The following PLAGL1 variants were observed in gnomAD, a reference collection of about 807,000 sequenced individuals.
PLAGL1 encodes zinc finger protein PLAGL1.
PLAGL1 carries 1 observed loss-of-function variant against 4.6 expected under a neutral mutation model. The observed-to-expected ratio is 0.22, with a 90% CI of 0.08 to 1.03. The LOEUF is 1.03. Ranked by LOEUF, PLAGL1 falls within the 50% of genes least tolerant of loss-of-function variation. The probability of loss-of-function intolerance (pLI) is 0.58; values close to 1 mark genes in which losing one functional copy is unlikely to be tolerated. For synonymous variants in PLAGL1, 240 were observed against 237.8 expected (o/e 1.01, Z -0.08); for missense variants, 464 against 570.4 (o/e 0.81, Z 1.90).
chr6:144,053,462 A>G lies in PLAGL1; in HGVS notation c.-151+11006T>C, dbSNP rs1798726741. Among the ~76,000 whole-genome samples, 1 of 152,230 alleles carries G rather than the reference A, an allele frequency of 6.6e-6. No individual in the cohort carries two copies. The highest frequency in any genetic ancestry group is 6.5e-5 in the Admixed American group (1 of 15,284). ...TTAGTCATTAATTCTTGAGTAGTTC[A>G]TTCAAGTATAACATCTTGCTACCAC... On this transcript the variant is annotated intron_variant, in intron 1 of 3. Transcript: ENST00000437412. The surrounding 1 kb of genome is among the most constrained non-coding windows in gnomAD (Gnocchi z 4.0).
chr6:143,943,868 C>G (rs950030637), intron 7 of PLAGL1, among the ~76,000 whole-genome samples: 1 of 152,162 alleles, frequency 6.6e-6, no homozygotes, highest in African/African-American at 2.4e-5. Flanking sequence ...TTTCATAGTT[C>G]CACTGAATTG....
At position 143,940,331 on chromosome 6, in the gene PLAGL1, G is replaced by T. The variant is rs1295739837; in HGVS notation, c.*1093C>A. ...GATTTGAAAAGTTTATTATATGTAA[G>T]ATATATGTTTACGGAAAAGCCTCTA... is the stretch of plus-strand genomic sequence containing the variant. On this transcript the variant is annotated 3_prime_UTR_variant, in exon 8 of 8. Coordinates refer to ENST00000674357, the MANE Select transcript of PLAGL1 (RefSeq NM_001317162.2). The T allele has an allele frequency of 3.3e-5, 5 of 152,138 alleles. No homozygotes were observed. Among genetic ancestry groups the T allele is most frequent in the Admixed American group, 3.3e-4 (5 of 15,270 alleles). The allele number at this position is 152,138 out of a possible 1,614,324, so 9.4% of individuals were successfully genotyped here. A position where few individuals can be genotyped will look rare whatever the true frequency, so the allele number is the denominator to read the frequency against.
Position 144,016,284 on chromosome 6 carries a change from G to C in PLAGL1, c.-150-47306C>G, listed in dbSNP as rs922519123. 6.6e-6 allele frequency among the ~76,000 whole-genome samples: 1 copy of C among 152,156 alleles called. No homozygotes were observed. Among genetic ancestry groups the C allele is most frequent in the African/African-American group, 2.4e-5 (1 of 41,426 alleles). ...AGAGGGCAGGAAGCATCCAGCATGG[G>C]AGAAAGATGTAGGCTGGGAGGCTAG... On this transcript the variant is annotated intron_variant, in intron 1 of 3. Coordinates refer to the PLAGL1 transcript ENST00000437412. The surrounding 1 kb of genome is among the most constrained non-coding windows in gnomAD (Gnocchi z 4.2).
In PLAGL1 at chr6:143,948,797, A is replaced by AACG. The variant is rs764967288; in HGVS notation, c.-324-338_-324-337insCGT. On this transcript the variant is annotated intron_variant, in intron 6 of 7. Transcript: ENST00000674357. This position sits in a 1 kb window ranked among gnomAD's most constrained non-coding sequence, Gnocchi z 6.0. ...ACAACAACAACAACAACAACAAACA[A>AACG]AAACCTCCCTCCCTCAGTGTGTTCA... 1.6e-4 allele frequency among the ~76,000 whole-genome samples: 18 copies of AACG among 113,814 alleles called. No individual in the cohort carries two copies. Among genetic ancestry groups the AACG allele is most frequent in the Non-Finnish European group, 2.8e-4 (16 of 57,296 alleles). The allele number at this position is 113,814 out of a possible 152,430, so 74.7% of individuals were successfully genotyped here.
chr6:143,987,633 G>A (rs1301629173), intron 1 of PLAGL1, among the ~76,000 whole-genome samples: 1 of 151,960 alleles, frequency 6.6e-6, no homozygotes, highest in Admixed American at 6.6e-5. Flanking sequence ...TACGATGCCT[G>A]TTTGCCCTTC....
At chr6:144,017,763 C>T (rs1795662923) in intron 1 of PLAGL1, among the ~76,000 whole-genome samples, 1 of 152,228 alleles carries the variant, frequency 6.6e-6, no homozygotes, top group South Asian at 2.1e-4. Context: ...TAGACTTCAA[C>T]AACCAGGATC....
At chr6:144,002,883 C>CTTTT (rs34276412) in intron 1 of PLAGL1, among the ~76,000 whole-genome samples, 3 of 144,036 alleles carry the variant, frequency 2.1e-5, no homozygotes, top group Non-Finnish European at 4.5e-5. Context: ...TTCTGGTAGG[C>CTTTT]TTTTTTTTTT....
At position 144,027,295 on chromosome 6, in the gene PLAGL1, G is replaced by C. The variant is rs1796447930; in HGVS notation, c.-151+37173C>G. On this transcript the variant is annotated intron_variant, in intron 1 of 3. Coordinates refer to the PLAGL1 transcript ENST00000437412. This position sits in a 1 kb window ranked among gnomAD's most constrained non-coding sequence, Gnocchi z 5.8. ...AGAAAGAAAGAAAGAAAGAAAGAAAGTTATTTGATCTGAAGTACAATGTCT... is the reference window on the plus strand; with the variant it reads ...AGAAAGAAAGAAAGAAAGAAAGAAACTTATTTGATCTGAAGTACAATGTCT... Among the ~76,000 whole-genome samples the C allele has an allele frequency of 6.8e-6, 1 of 148,076 alleles. No homozygotes were observed.
Position 143,964,461 on chromosome 6 carries a change from T to C in PLAGL1, c.-399+326A>G, listed in dbSNP as rs1159688993. On this transcript the variant is annotated intron_variant, in intron 5 of 7. Transcript: ENST00000674357. This position sits in a 1 kb window ranked among gnomAD's most constrained non-coding sequence, Gnocchi z 4.3. ...TGGGGACTGGAGTCCGTTTTCATTA[T>C]GGGGAATGAAAACAGTAATGCTTCT... Among the ~76,000 whole-genome samples, 3 of 152,148 alleles carry C rather than the reference T, an allele frequency of 2.0e-5. No individual in the cohort carries two copies. The highest frequency in any genetic ancestry group is 7.2e-5 in the African/African-American group (3 of 41,428).
Position 143,997,979 on chromosome 6 carries a change from ATAAT to A in PLAGL1, c.-584+10107_-584+10110del, listed in dbSNP as rs1251645681. Among the ~76,000 whole-genome samples, 1 of 152,210 alleles carries A rather than the reference ATAAT, an allele frequency of 6.6e-6. No homozygotes were observed. The highest frequency in any genetic ancestry group is 1.9e-4 in the East Asian group (1 of 5,202). Reference sequence around the variant, plus strand: ...GCAGAGAAAAAGTACTTTATGAAAGATAATTAGACTCTTTTTACCTTATCCATTG... The same window carrying A: ...GCAGAGAAAAAGTACTTTATGAAAGATAGACTCTTTTTACCTTATCCATTG... On this transcript the variant is annotated intron_variant, in intron 1 of 7. Coordinates refer to ENST00000674357, the MANE Select transcript of PLAGL1 (RefSeq NM_001317162.2). The surrounding 1 kb of genome is among the most constrained non-coding windows in gnomAD (Gnocchi z 4.6).
At chr6:144,031,831 A>G (rs578201915) in intron 1 of PLAGL1, among the ~76,000 whole-genome samples, 9 of 152,200 alleles carry the variant, frequency 5.9e-5, no homozygotes, top group Non-Finnish European at 1.0e-4. Context: ...TTGGCTATGC[A>G]GGCTCTTTTT....
chr6:143,970,409 A>T lies in PLAGL1; in HGVS notation c.-543-1431T>A, dbSNP rs1785200958. Among the ~76,000 whole-genome samples, 1 of 152,232 alleles carries T rather than the reference A, an allele frequency of 6.6e-6. No homozygotes were observed. Among genetic ancestry groups the T allele is most frequent in the Admixed American group, 6.5e-5 (1 of 15,276 alleles). ...ACATACAAATGATTAACTACAAATGATTAGGTATCTAATTATTACAGATGA... is the reference window on the plus strand; with the variant it reads ...ACATACAAATGATTAACTACAAATGTTTAGGTATCTAATTATTACAGATGA... On this transcript the variant is annotated intron_variant, in intron 2 of 7. Transcript: ENST00000674357. This position sits in a 1 kb window ranked among gnomAD's most constrained non-coding sequence, Gnocchi z 5.8.
Position 143,990,909 on chromosome 6 carries a change from C to T in PLAGL1, c.-583-5735G>A, listed in dbSNP as rs1459241184. On this transcript the variant is annotated intron_variant, in intron 1 of 7. Coordinates refer to ENST00000674357, the MANE Select transcript of PLAGL1 (RefSeq NM_001317162.2). The surrounding 1 kb of genome is among the most constrained non-coding windows in gnomAD (Gnocchi z 5.4). Reference sequence around the variant, plus strand: ...ACCTTGCTTTGCCTATGAATGTTTTCTGTGTTGACCACTTGGTGTCAATTA... The same window carrying T: ...ACCTTGCTTTGCCTATGAATGTTTTTTGTGTTGACCACTTGGTGTCAATTA... Among the ~76,000 whole-genome samples, 4 of 151,508 alleles carry T rather than the reference C, an allele frequency of 2.6e-5. No homozygotes were observed. Among genetic ancestry groups the T allele is most frequent in the Non-Finnish European group, 5.9e-5 (4 of 68,028 alleles).
Position 143,985,198 on chromosome 6 carries a change from T to C in PLAGL1, c.-583-24A>G, listed in dbSNP as rs1412216969. 2 of 152,204 alleles carry C rather than the reference T, an allele frequency of 1.3e-5. No homozygotes were observed. The highest frequency in any genetic ancestry group is 4.8e-5 in the African/African-American group (2 of 41,456). The allele number at this position is 152,204 out of a possible 1,614,324, so 9.4% of individuals were successfully genotyped here. A position where few individuals can be genotyped will look rare whatever the true frequency, so the allele number is the denominator to read the frequency against. On this transcript the variant is annotated intron_variant, in intron 1 of 7. Transcript: ENST00000674357. This position sits in a 1 kb window ranked among gnomAD's most constrained non-coding sequence, Gnocchi z 4.4. ...ATCTGCAAACAAAAATAAAAATTAC[T>C]AGTTTTGTATAATATTTGCACATGC...
rs1788434771 is a variant in PLAGL1 at position 143,983,680 on chromosome 6, G to T, written c.-544+1455C>A. ...GATGAGTGATTTTAATGAGAGGGTA[G>T]GCTATTGACGTTGAGTAAGGGAGGA... On this transcript the variant is annotated intron_variant, in intron 2 of 7. Transcript: ENST00000674357. This position sits in a 1 kb window ranked among gnomAD's most constrained non-coding sequence, Gnocchi z 6.6. Among the ~76,000 whole-genome samples, 1 of 152,026 alleles carries T rather than the reference G, an allele frequency of 6.6e-6. No homozygotes were observed. Among genetic ancestry groups the T allele is most frequent in the African/African-American group, 2.4e-5 (1 of 41,398 alleles).
chr6:144,040,849 C>T (rs1797672698), intron 1 of PLAGL1, among the ~76,000 whole-genome samples: 3 of 152,152 alleles, frequency 2.0e-5, no homozygotes, highest in Admixed American at 2.0e-4. Flanking sequence ...TGCACTCCAG[C>T]TCAGGTGACA....
rs775540928 is a variant in PLAGL1, at chr6:143,941,547, T to TTGC, written c.1266_1268dup (p.Gln423dup). The TTGC allele has an allele frequency of 4.2e-5, 66 of 1,568,392 alleles. No homozygotes were observed. The highest frequency in any genetic ancestry group is 5.4e-5 in the Non-Finnish European group (63 of 1,156,746). ...CAGTGCCCATGGCAAGTGGGGGTTC[T>TTGC]TGCTGCTGCTGCCCCAGACAGCTTA... On this transcript the variant is annotated inframe_insertion, in exon 8 of 8. Transcript: ENST00000674357. This position sits in a 1 kb window ranked among gnomAD's most constrained non-coding sequence, Gnocchi z 6.0.
rs879175338 is a variant in PLAGL1 at position 144,061,435 on chromosome 6, C to T, written c.-151+3033G>A. On this transcript the variant is annotated intron_variant, in intron 1 of 3. Coordinates refer to the PLAGL1 transcript ENST00000437412. This position sits in a 1 kb window ranked among gnomAD's most constrained non-coding sequence, Gnocchi z 4.4. Reference sequence around the variant, plus strand: ...GCCACTCCTGAATGTGGCCTTTTCACAGCCAGGTGCCTCTGAAACATCGTA... The same window carrying T: ...GCCACTCCTGAATGTGGCCTTTTCATAGCCAGGTGCCTCTGAAACATCGTA... Among the ~76,000 whole-genome samples, 1 of 152,220 alleles carries T rather than the reference C, an allele frequency of 6.6e-6. No homozygotes were observed. The highest frequency in any genetic ancestry group is 2.1e-4 in the South Asian group (1 of 4,834).
chr6:143,955,579 C>T lies in PLAGL1; in HGVS notation c.-325+4890G>A, dbSNP rs1188786963. The stretch of plus-strand genomic sequence containing the variant: ...AAGAGGCAGTGGGGAAAGCCTCAGC[C>T]TGTGATTGTGAGCCTCAAAGGGCCA... On this transcript the variant is annotated intron_variant, in intron 6 of 7. Coordinates refer to ENST00000674357, the MANE Select transcript of PLAGL1 (RefSeq NM_001317162.2). This position sits in a 1 kb window ranked among gnomAD's most constrained non-coding sequence, Gnocchi z 4.9. Among the ~76,000 whole-genome samples, 3 of 152,042 alleles carry T rather than the reference C, an allele frequency of 2.0e-5. No homozygotes were observed. Among genetic ancestry groups the T allele is most frequent in the African/African-American group, 7.3e-5 (3 of 41,376 alleles).
Sources: allele counts gnomAD v4.1 joint callset (sites outside exome capture counted in the v4.1 genomes callset), GRCh38; gene constraint gnomAD v4.1.1; non-coding constraint Gnocchi (gnomAD v3.1); transcripts MANE v1.5; gene names NCBI Gene and HGNC (gene_info 2026-07-23, HGNC 2026-07-21).